Variants in SNAP91 observed in about 807,000 individuals in gnomAD.
SNAP91 encodes synaptosome associated protein 91.
A neutral mutation model predicts 100.3 loss-of-function variants in SNAP91; 27 were observed. That is an observed-to-expected ratio of 0.27 (90% CI 0.20 to 0.37). SNAP91 has a LOEUF of 0.37. Ranked by LOEUF, SNAP91 falls within the 10% of genes least tolerant of loss-of-function variation. SNAP91 has a pLI of 1.00. For synonymous variants in SNAP91, 404 were observed against 398.6 expected (o/e 1.01, Z -0.16); for missense variants, 986 against 1,123.7 (o/e 0.88, Z 1.75).
chr6:83,693,102 C>T (rs1206531021), intron 2 of SNAP91, among the ~76,000 whole-genome samples: 5 of 152,130 alleles, frequency 3.3e-5, no homozygotes, highest in Admixed American at 2.6e-4. Context: ...ACCTGTGACA[C>T]TAGAGACAGA....
At chr6:83,635,573 C>A (rs1457694595) in intron 8 of SNAP91, among the ~76,000 whole-genome samples, 2 of 151,886 alleles carry the variant, frequency 1.3e-5, no homozygotes, top group African/African-American at 2.4e-5. Flanking sequence ...TGAGGCTATG[C>A]GTGTCATTAC....
Position 83,593,275 on chromosome 6 carries a change from CACATGCCTTT to C in SNAP91, c.1697-26_1697-17del. ...TCAAATAAATCTAAGACCAAGAACA[CACATGCCTTT>C]ACTCAACTTGAACAATAAGCCTGAC... On this transcript the variant is annotated splice_polypyrimidine_tract_variant and intron_variant, in intron 18 of 29. Coordinates refer to ENST00000369694, the MANE Select transcript of SNAP91 (RefSeq NM_001242792.2). The C allele has an allele frequency of 6.3e-7, 1 of 1,578,720 alleles. No individual in the cohort carries two copies. Among genetic ancestry groups the C allele is most frequent in the Non-Finnish European group, 8.6e-7 (1 of 1,161,492 alleles).
chr6:83,642,663 C>T (rs1485138422), intron 7 of SNAP91, among the ~76,000 whole-genome samples: 6 of 152,240 alleles, frequency 3.9e-5, no homozygotes, highest in South Asian at 4.1e-4. Context: ...TGTGCATGTG[C>T]TTTTATAGCA....
chr6:83,616,078 CT>C (rs2128348754), intron 10 of SNAP91, among the ~76,000 whole-genome samples: 1 of 152,212 alleles, frequency 6.6e-6, no homozygotes, highest in South Asian at 2.1e-4. Flanking sequence ...AGTCCCTAAC[CT>C]TTAGATTCAG....
intron 8 of SNAP91, among the ~76,000 whole-genome samples, chr6:83,636,162 T>C (rs1046049308): frequency 3.9e-5 from 6 of 152,280 alleles, no homozygotes; most frequent in Non-Finnish European, 5.9e-5. Flanking sequence ...TCATCTTGTA[T>C]AGTATCTTGT....
chr6:83,553,904 T>C lies in SNAP91; in HGVS notation c.*392A>G, dbSNP rs1482834731. 1 of 152,226 alleles carries C rather than the reference T, an allele frequency of 6.6e-6. No individual in the cohort carries two copies. Among genetic ancestry groups the C allele is most frequent in the Non-Finnish European group, 1.5e-5 (1 of 68,056 alleles). 9.4% of individuals were successfully genotyped at this position (152,226 alleles called of 1,614,324 possible). A position where few individuals can be genotyped will look rare whatever the true frequency, so the allele number is the denominator to read the frequency against. ...GAAAAGATAATTTATGGGAAGAGTT[T>C]GGGGTTTGTTCAAAAGTTATATGTA... On this transcript the variant is annotated 3_prime_UTR_variant, in exon 30 of 30. Transcript: ENST00000369694.
chr6:83,681,112 A>G (rs960788788), intron 2 of SNAP91, among the ~76,000 whole-genome samples: 4 of 152,170 alleles, frequency 2.6e-5, no homozygotes, highest in Admixed American at 1.3e-4. Flanking sequence ...TATGATTCAA[A>G]AGTATATCTT....
chr6:83,616,850 A>T (rs1262383924), intron 10 of SNAP91, 119 bp downstream of exon 10: 1 of 648,002 alleles, frequency 1.5e-6, no homozygotes, highest in Non-Finnish European at 2.5e-6. Flanking sequence ...AGCCCAGAAA[A>T]TTATAACAAA....
intron 16 of SNAP91, among the ~76,000 whole-genome samples, chr6:83,598,455 A>G (rs2094762468): frequency 6.6e-6 from 1 of 152,188 alleles, no homozygotes; most frequent in African/African-American, 2.4e-5. Flanking sequence ...TAAAATGTGT[A>G]ATTTAAATAT....
At chr6:83,666,889 T>C (rs1304321773) in intron 2 of SNAP91, among the ~76,000 whole-genome samples, 1 of 152,080 alleles carries the variant, frequency 6.6e-6, no homozygotes, top group Non-Finnish European at 1.5e-5. Flanking sequence ...CGTGAGGTAC[T>C]TTGTTCCTGC....
At chr6:83,587,548 C>T (rs2092930298) in intron 22 of SNAP91, among the ~76,000 whole-genome samples, 2 of 151,678 alleles carry the variant, frequency 1.3e-5, no homozygotes, top group South Asian at 2.1e-4. Context: ...TTAGCTGATC[C>T]CTCCCCCAAA....
intron 16 of SNAP91, among the ~76,000 whole-genome samples, chr6:83,598,135 T>C (rs1350504758): frequency 6.6e-6 from 1 of 152,222 alleles, no homozygotes; most frequent in Admixed American, 6.5e-5. Flanking sequence ...CAATGTGCTA[T>C]TGTCAGTAAA....
chr6:83,620,540 G>A (rs762024165), intron 9 of SNAP91, among the ~76,000 whole-genome samples: 2 of 152,006 alleles, frequency 1.3e-5, no homozygotes, highest in Non-Finnish European at 2.9e-5. Flanking sequence ...AAATCCTCAG[G>A]TCAATTAGAG....
At chr6:83,708,217 C>A in intron 1 of SNAP91, 1 of 394,056 alleles carries the variant, frequency 2.5e-6, no homozygotes. Context: ...TCTCCCCCGG[C>A]CCCCACATAG....
At chr6:83,622,539 C>T (rs1229626207) in intron 9 of SNAP91, among the ~76,000 whole-genome samples, 1 of 151,990 alleles carries the variant, frequency 6.6e-6, no homozygotes, top group African/African-American at 2.4e-5. Flanking sequence ...TGTGTTTTCT[C>T]CTATCATCTC....
chr6:83,680,700 G>C (rs1258113327), intron 2 of SNAP91, among the ~76,000 whole-genome samples: 2 of 152,110 alleles, frequency 1.3e-5, no homozygotes, highest in Admixed American at 6.6e-5. Flanking sequence ...TTTTGGGCCA[G>C]AAAATTCTTC....
chr6:83,594,365 T>C lies in SNAP91; in HGVS notation c.1432+9A>G. ...AGAATAACAGACTGGCTAATGACTT[T>C]AAACCCACCATTTCCTGAACATGCA... On this transcript the variant is annotated intron_variant, in intron 17 of 29. Transcript: ENST00000369694. The C allele has an allele frequency of 1.3e-6, 2 of 1,549,688 alleles. No individual in the cohort carries two copies. The highest frequency in any genetic ancestry group is 1.7e-6 in the Non-Finnish European group (2 of 1,144,782).
intron 26 of SNAP91, among the ~76,000 whole-genome samples, chr6:83,570,759 T>C (rs1805862853): frequency 6.6e-6 from 1 of 152,170 alleles, no homozygotes; most frequent in East Asian, 1.9e-4. Context: ...GAATTGAGGT[T>C]TGGGAACCTC....
chr6:83,659,178 C>T (rs2098477214), intron 5 of SNAP91, 86 bp from the exon 6 acceptor site: 1 of 970,630 alleles, frequency 1.0e-6, no homozygotes, highest in Non-Finnish European at 1.5e-6. Context: ...TGTTCCCCCA[C>T]ACCACCCCAT....
Sources: gnomAD v4.1 joint callset for allele counts (sites outside exome capture counted in the v4.1 genomes callset) on GRCh38, gnomAD v4.1.1 for gene constraint, MANE v1.5 for transcripts, NCBI Gene and HGNC (gene_info 2026-07-23, HGNC 2026-07-21) for gene names.